Variants in SLC44A1 observed in about 807,000 individuals in gnomAD.
SLC44A1 encodes the protein choline transporter-like protein 1.
In SLC44A1, 26 loss-of-function variants were observed where a neutral mutation model predicts 79.3. The ratio of observed to expected loss-of-function variants is 0.33; its 90% confidence interval spans 0.24 to 0.46. SLC44A1 has a LOEUF of 0.46. SLC44A1 is among the 20% of genes least tolerant of loss of function. SLC44A1 has a pLI of 1.00. For synonymous variants in SLC44A1, 263 were observed against 286.2 expected (o/e 0.92, Z 0.82); for missense variants, 688 against 798.1 (o/e 0.86, Z 1.66).
intron 3 of SLC44A1, among the ~76,000 whole-genome samples, chr9:105,322,858 A>G (rs928094089): frequency 1.3e-5 from 2 of 152,200 alleles, no homozygotes; most frequent in Non-Finnish European, 2.9e-5. Flanking sequence ...TATTTTGTAT[A>G]ATTTCAATAT....
chr9:105,317,664 G>A (rs539468772), intron 3 of SLC44A1, among the ~76,000 whole-genome samples: 2 of 152,216 alleles, frequency 1.3e-5, no homozygotes, highest in South Asian at 2.1e-4. Flanking sequence ...CTACAGGTTG[G>A]AATTCTTGTT....
chr9:105,433,017 G>GAAAAA (rs1829416959), intron 15 of SLC44A1, among the ~76,000 whole-genome samples: 2 of 152,064 alleles, frequency 1.3e-5, no homozygotes, highest in African/African-American at 2.4e-5. Flanking sequence ...ACAAATCGCC[G>GAAAAA]GGCGTGGTGG....
intron 4 of SLC44A1, among the ~76,000 whole-genome samples, chr9:105,347,319 G>C (rs1238832937): frequency 6.6e-6 from 1 of 151,986 alleles, no homozygotes; most frequent in Non-Finnish European, 1.5e-5. Context: ...GACCAAATTA[G>C]TAATCTGGTA....
chr9:105,384,729 T>C (rs1050327740), intron 14 of SLC44A1, among the ~76,000 whole-genome samples: 1 of 152,194 alleles, frequency 6.6e-6, no homozygotes, highest in African/African-American at 2.4e-5. Context: ...AAAAAATAAC[T>C]GTTTTCCACC....
intron 15 of SLC44A1, among the ~76,000 whole-genome samples, chr9:105,387,060 A>AAAAAATATATATATATATAT (rs34780893): frequency 2.6e-4 from 2 of 7,730 alleles, no homozygotes; most frequent in African/African-American, 4.1e-4. Context: ...AAAAAAAAAA[A>AAAAAATATATATATATATAT]ATATATATAT....
At chr9:105,351,941 A>G (rs2131389786) in intron 5 of SLC44A1, among the ~76,000 whole-genome samples, 1 of 152,300 alleles carries the variant, frequency 6.6e-6, no homozygotes, top group East Asian at 1.9e-4. Flanking sequence ...TACCACAGTG[A>G]GTGTTCAACA....
At chr9:105,253,376 CATG>C (rs1829632174) in intron 1 of SLC44A1, among the ~76,000 whole-genome samples, 1 of 152,122 alleles carries the variant, frequency 6.6e-6, no homozygotes, top group Non-Finnish European at 1.5e-5. Context: ...ATAATATAAT[CATG>C]ATTATGATCT....
intron 1 of SLC44A1, among the ~76,000 whole-genome samples, chr9:105,295,763 G>C (rs141141992): frequency 6.6e-6 from 1 of 152,110 alleles, no homozygotes. Flanking sequence ...GCGGGGAGTG[G>C]GGGGGAGGGC....
intron 15 of SLC44A1, among the ~76,000 whole-genome samples, chr9:105,414,913 C>T (rs1261719234): frequency 6.6e-6 from 1 of 152,152 alleles, no homozygotes; most frequent in Non-Finnish European, 1.5e-5. Flanking sequence ...GGCAGAGTTT[C>T]TGTAAATATA....
chr9:105,405,211 C>T (rs1013434519), intron 15 of SLC44A1, among the ~76,000 whole-genome samples: 20 of 151,964 alleles, frequency 1.3e-4, no homozygotes, highest in African/African-American at 4.8e-4. Flanking sequence ...ATCCCAGCTA[C>T]TCGGGAGGCT....
At chr9:105,342,552 G>A (rs146676853) in intron 4 of SLC44A1, among the ~76,000 whole-genome samples, 6 of 152,186 alleles carry the variant, frequency 3.9e-5, no homozygotes, top group South Asian at 4.2e-4. Context: ...CAAGACAGGT[G>A]GTGAAGGGAA....
rs913443413 is a variant in SLC44A1 at position 105,395,294 on chromosome 9, C to T, written c.*6238C>T. 2.5e-5 allele frequency: 15 copies of T among 605,562 alleles called. No individual in the cohort carries two copies. Among genetic ancestry groups the T allele is most frequent in the Admixed American group, 1.9e-4 (3 of 15,792 alleles). The allele number at this position is 605,562 out of a possible 1,614,324, so 37.5% of individuals were successfully genotyped here. On this transcript the variant is annotated 3_prime_UTR_variant, in exon 16 of 16. Transcript: ENST00000374720. Reference sequence around the variant, plus strand: ...AGTGCAGTGGCTCAATCTTAGCTCACTGCAACCTCCACCTCCCAGGTTCAA... The same window carrying T: ...AGTGCAGTGGCTCAATCTTAGCTCATTGCAACCTCCACCTCCCAGGTTCAA...
intron 15 of SLC44A1, among the ~76,000 whole-genome samples, chr9:105,432,796 T>A (rs1780854090): frequency 1.3e-5 from 2 of 152,332 alleles, no homozygotes; most frequent in Non-Finnish European, 2.9e-5. Flanking sequence ...GCCAGACTTC[T>A]GAATTACATT....
At chr9:105,362,065 C>CGCGCGCGCGTGTGTGTGTGTGTGT (rs1827798779) in intron 8 of SLC44A1, among the ~76,000 whole-genome samples, 5 of 151,744 alleles carry the variant, frequency 3.3e-5, no homozygotes, top group Admixed American at 1.3e-4. Flanking sequence ...TGTGTGTGCG[C>CGCGCGCGCGTGTGTGTGTGTGTGT]GCGCGCGCGT....
At chr9:105,348,810 G>T (rs1014829664) in intron 5 of SLC44A1, among the ~76,000 whole-genome samples, 1 of 151,834 alleles carries the variant, frequency 6.6e-6, no homozygotes, top group Non-Finnish European at 1.5e-5. Flanking sequence ...GAGTTTTTTT[G>T]ATTTATCCTA....
Position 105,276,529 on chromosome 9 carries a change from T to G in SLC44A1, c.37-22691T>G, listed in dbSNP as rs528439300. On this transcript the variant is annotated intron_variant, in intron 1 of 15. Transcript: ENST00000374720. ...TAGCAGATGAAGATATGTACTGTTT[T>G]GGAGAAAATTAAGTTAGGAAACGGG... Among the ~76,000 whole-genome samples, 55 of 150,794 alleles carry G rather than the reference T, an allele frequency of 3.6e-4. No individual in the cohort carries two copies. The South Asian group carries it at 0.01, about 28-fold the overall frequency.
At chr9:105,253,349 G>A (rs1230654882) in intron 1 of SLC44A1, among the ~76,000 whole-genome samples, 1 of 152,162 alleles carries the variant, frequency 6.6e-6, no homozygotes, top group Non-Finnish European at 1.5e-5. Flanking sequence ...AAGTTTGTTT[G>A]TTTTTGTAGA....
intron 2 of SLC44A1, chr9:105,299,637 GT>G: frequency 3.1e-6 from 1 of 326,456 alleles, no homozygotes; most frequent in Non-Finnish European, 4.6e-6. Flanking sequence ...CAACTTGTTG[GT>G]TATCTTTAGG....
chr9:105,419,783 C>T (rs1829220348), intron 15 of SLC44A1, among the ~76,000 whole-genome samples: 1 of 151,910 alleles, frequency 6.6e-6, no homozygotes, highest in Admixed American at 6.6e-5. Context: ...GGCATGGTGG[C>T]ATGTGCCTGT....
Sources: gnomAD v4.1 joint callset for allele counts (sites outside exome capture counted in the v4.1 genomes callset) on GRCh38, gnomAD v4.1.1 for gene constraint, MANE v1.5 for transcripts, NCBI Gene and HGNC (gene_info 2026-07-23, HGNC 2026-07-21) for gene names.